EXOC2: variants seen among roughly 807,000 people sequenced by gnomAD.
EXOC2 encodes the protein SEC5-like 1.
In EXOC2, 70 loss-of-function variants were observed where a neutral mutation model predicts 131.8. The observed-to-expected ratio is 0.53, with a 90% confidence interval of 0.44 to 0.65. EXOC2 has a LOEUF of 0.65. Among genes scored for constraint, EXOC2 ranks in the 30% least tolerant of loss-of-function variants. The pLI is 0.00. For missense variants in EXOC2, 923 were observed against 1,108.6 expected, an observed-to-expected ratio of 0.83 and a Z score of 2.38; for synonymous variants, 411 against 398.4, an observed-to-expected ratio of 1.03 and a Z score of -0.38.
Position 491,116 on chromosome 6 carries a change from G to T in EXOC2, c.2621+9C>A. The T allele has an allele frequency of 6.2e-7, 1 of 1,613,942 alleles. No homozygotes were observed. The highest frequency in any genetic ancestry group is 8.5e-7 in the Non-Finnish European group (1 of 1,179,848). ...ATAGAGCACTCAACTAAAGAACACT[G>T]CCACTTACTTGCTTTCGGGTGTCAG... On this transcript the variant is annotated intron_variant, in intron 26 of 27. Transcript: ENST00000230449.
chr6:657,373 G>C (rs942115908), intron 1 of EXOC2: 1 of 154,932 alleles, frequency 6.5e-6, no homozygotes, highest in African/African-American at 2.4e-5. Context: ...CGTGTCTTAT[G>C]AAATCATAGC....
At chr6:685,563 C>T (rs1257326212) in intron 1 of EXOC2, among the ~76,000 whole-genome samples, 1 of 152,182 alleles carries the variant, frequency 6.6e-6, no homozygotes, top group Non-Finnish European at 1.5e-5. Context: ...AGATCAAGTG[C>T]AAGTTACATT....
At chr6:682,415 T>C (rs914038422) in intron 1 of EXOC2, among the ~76,000 whole-genome samples, 6 of 152,080 alleles carry the variant, frequency 3.9e-5, no homozygotes, top group Non-Finnish European at 7.4e-5. Flanking sequence ...TTAGCCAGGA[T>C]GGTCTAGATC....
intron 11 of EXOC2, among the ~76,000 whole-genome samples, chr6:586,802 T>G (rs1275607756): frequency 6.6e-6 from 1 of 152,136 alleles, no homozygotes; most frequent in Non-Finnish European, 1.5e-5. Context: ...GTCCCACCCC[T>G]GCTCAGGATA....
rs535046781 is a variant in EXOC2 at position 557,938 on chromosome 6, C to T, written c.1852-1374G>A. On this transcript the variant is annotated intron_variant, in intron 17 of 27. Coordinates refer to ENST00000230449, the MANE Select transcript of EXOC2 (RefSeq NM_018303.6). ...GTAGGAGGCCAGGCTTCATCCGGAG[C>T]AGCGAGACAAGAGCAGCGTGTCAGA... 2.0e-5 allele frequency among the ~76,000 whole-genome samples: 3 copies of T among 152,158 alleles called. No homozygotes were observed. The South Asian group carries it at 6.2e-4, about 32-fold the overall frequency.
rs1276695524 is a variant in EXOC2 at position 555,259 on chromosome 6, G to A, written c.2022C>T (p.Ser674=). 1.3e-5 allele frequency: 20 copies of A among 1,530,074 alleles called. No homozygotes were observed. In the East Asian group the frequency reaches 4.6e-4, roughly 35 times the overall value. The allele number at this position is 1,530,074 out of a possible 1,614,324, so 94.8% of individuals were successfully genotyped here. ...TATCTATATCTGCATCAGGCTTGGT[G>A]CTCAACTGTTCCAGACAGTATATAA... The part of the protein sequence containing the change: ...QVFIYCLEQL[S]TKPDADIDTT... Residue 674 remains serine (S), a synonymous_variant, in exon 20 of 28, where the codon AGC becomes AGT. Coordinates refer to ENST00000230449, the MANE Select transcript of EXOC2 (RefSeq NM_018303.6).
At chr6:566,061 T>A (rs9502275) in intron 13 of EXOC2, among the ~76,000 whole-genome samples, 18,239 of 152,194 alleles carry the variant, frequency 0.12, 1,325 homozygotes, top group Middle Eastern at 0.18. Context: ...GCAGCTTTTA[T>A]CATTTTTTTC....
intron 1 of EXOC2, among the ~76,000 whole-genome samples, chr6:640,749 A>C (rs566909970): frequency 1.3e-5 from 2 of 152,328 alleles, no homozygotes; most frequent in South Asian, 4.1e-4. Flanking sequence ...GGCCCTCAAA[A>C]GAAACCAACC....
chr6:576,007 C>T (rs1257998005), intron 12 of EXOC2, among the ~76,000 whole-genome samples: 1 of 152,148 alleles, frequency 6.6e-6, no homozygotes, highest in Non-Finnish European at 1.5e-5. Context: ...TTATGATGAA[C>T]ATTCATTTAT....
intron 23 of EXOC2, among the ~76,000 whole-genome samples, chr6:503,139 C>T (rs1440971779): frequency 2.0e-5 from 3 of 151,366 alleles, no homozygotes; most frequent in South Asian, 2.1e-4. Flanking sequence ...AAAAGCTAAT[C>T]GCTGAATTAA....
chr6:643,713 G>A (rs1762459967), intron 1 of EXOC2, among the ~76,000 whole-genome samples: 1 of 151,276 alleles, frequency 6.6e-6, no homozygotes, highest in African/African-American at 2.4e-5. Flanking sequence ...AATAAACAGT[G>A]GAAACCAATA....
chr6:488,334 G>A (rs1359453519), intron 27 of EXOC2, among the ~76,000 whole-genome samples: 1 of 152,250 alleles, frequency 6.6e-6, no homozygotes, highest in Non-Finnish European at 1.5e-5. Flanking sequence ...GGCGGGTGGT[G>A]AAGGAATGAA....
chr6:683,932 C>T (rs1014510689), intron 1 of EXOC2, among the ~76,000 whole-genome samples: 2 of 152,196 alleles, frequency 1.3e-5, no homozygotes, highest in African/African-American at 2.4e-5. Context: ...CAGAACGCAC[C>T]GCAGCTGCGA....
At chr6:564,291 A>T in intron 15 of EXOC2, 137 bp from the exon 16 acceptor site, 3 of 1,311,602 alleles carry the variant, frequency 2.3e-6, no homozygotes, top group Non-Finnish European at 3.1e-6. Context: ...ACAGACCACA[A>T]CTGGGACTGT....
chr6:488,661 TAC>T (rs1161731735), intron 27 of EXOC2, among the ~76,000 whole-genome samples: 1 of 152,162 alleles, frequency 6.6e-6, no homozygotes, highest in Admixed American at 6.5e-5. Flanking sequence ...ATGCTACTAA[TAC>T]AGTTTACTGA....
At position 685,686 on chromosome 6, in the gene EXOC2, C is replaced by T. The variant is rs151025613; in HGVS notation, c.-44+7333G>A. Among the ~76,000 whole-genome samples, 897 of 152,174 alleles carry T rather than the reference C, an allele frequency of 5.9e-3. 8 individuals carry two copies. The highest frequency in any genetic ancestry group is 0.02 in the African/African-American group (827 of 41,510). On this transcript the variant is annotated intron_variant, in intron 1 of 27. Coordinates refer to ENST00000230449, the MANE Select transcript of EXOC2 (RefSeq NM_018303.6). ...AATTAATCCTCTTGCTCCTCCTGCT[C>T]CATCCCCAAATCATAGTTAACAAAA... is the stretch of plus-strand genomic sequence containing the variant.
chr6:640,551 A>C (rs748330952), intron 1 of EXOC2, among the ~76,000 whole-genome samples: 5 of 152,178 alleles, frequency 3.3e-5, no homozygotes, highest in Non-Finnish European at 7.4e-5. Flanking sequence ...TGTATTCAGA[A>C]AGGGGGCCTT....
chr6:678,713 G>A (rs1347670185), intron 1 of EXOC2, among the ~76,000 whole-genome samples: 1 of 152,178 alleles, frequency 6.6e-6, no homozygotes, highest in African/African-American at 2.4e-5. Context: ...AGGGCAACAG[G>A]GGGAAGTGCT....
intron 1 of EXOC2, among the ~76,000 whole-genome samples, chr6:685,828 C>G (rs1259774239): frequency 6.8e-6 from 1 of 147,138 alleles, no homozygotes; most frequent in Non-Finnish European, 1.5e-5. Context: ...AAGGGGAGGA[C>G]TGAACAGGTA....
Sources: allele counts gnomAD v4.1 joint callset (sites outside exome capture counted in the v4.1 genomes callset), GRCh38; gene constraint gnomAD v4.1.1; transcripts MANE v1.5; gene names NCBI Gene and HGNC (gene_info 2026-07-23, HGNC 2026-07-21).